SLAMF6: variants seen among roughly 807,000 people sequenced by gnomAD.
SLAMF6 encodes NK-T-B-antigen.
SLAMF6 carries 21 observed loss-of-function variants against 38.3 expected under a neutral mutation model. The ratio of observed to expected loss-of-function variants is 0.55; its 90% CI spans 0.39 to 0.79. SLAMF6 has a LOEUF of 0.79. Among genes scored for constraint, SLAMF6 ranks in the 30% least tolerant of loss-of-function variants. The pLI is 0.00. For missense variants in SLAMF6, 341 were observed against 385.3 expected (o/e 0.89, Z 0.96); for synonymous variants, 152 against 146.3 (o/e 1.04, Z -0.28).
Position 160,499,036 on chromosome 1 carries a change from C to T in SLAMF6, c.50-2643G>A, listed in dbSNP as rs538007600. On this transcript the variant is annotated intron_variant, in intron 1 of 7. Transcript: ENST00000368057. ...TGTCTGTTTACGGTAATGATAGTTT[C>T]TTTTGCTGTGCAGAAGCTCTATAGT... Among the ~76,000 whole-genome samples the T allele has an allele frequency of 2.6e-4, 39 of 152,198 alleles. No individual in the cohort carries two copies. In the East Asian group the frequency reaches 6.7e-3, roughly 26 times the overall value.
intron 1 of SLAMF6, among the ~76,000 whole-genome samples, chr1:160,513,204 A>T (rs189294146): frequency 3.8e-4 from 58 of 152,326 alleles, no homozygotes; most frequent in African/African-American, 1.2e-3. Flanking sequence ...CAACATGAAA[A>T]CATCACAATG....
In SLAMF6 at chr1:160,491,115, AG is replaced by A. The variant is rs1557934797; in HGVS notation, c.646+9del. On this transcript the variant is annotated intron_variant, in intron 3 of 7. Transcript: ENST00000368057. ...TGCTCAAGGCTCTCAGACCTGAGGC[AG>A]GCTGTTACCTTCGCAAAGCTTCTGG... 1 of 1,612,930 alleles carries A rather than the reference AG, an allele frequency of 6.2e-7. No individual in the cohort carries two copies. Among genetic ancestry groups the A allele is most frequent in the African/African-American group, 1.3e-5 (1 of 75,024 alleles).
At position 160,486,717 on chromosome 1, in the gene SLAMF6, T is replaced by A. The variant is rs1485433640; in HGVS notation, c.989A>T (p.Asn330Ile). The change falls in exon 8 of 8, where the codon AAT becomes ATT. Residue 330 changes from asparagine (N) to isoleucine (I), a missense_variant. By Grantham distance (149) the Asn-to-Ile change is moderately radical. Coordinates refer to ENST00000368057, the MANE Select transcript of SLAMF6 (RefSeq NM_001184714.2). ...AGGCCTTTCAGCAACTTACACGACA[T>A]TGTCAAGGGCAGTTGCCCTGGAAAA... ...PTFSRATALD[N>I]VV 2 of 1,613,788 alleles carry A rather than the reference T, an allele frequency of 1.2e-6. No individual in the cohort carries two copies. Among genetic ancestry groups the A allele is most frequent in the South Asian group, 2.2e-5 (2 of 91,072 alleles).
rs750107454 is a variant in SLAMF6, at chr1:160,490,684, A to G, written c.648T>C (p.Asp216=). Residue 216 remains aspartate (D), a splice_region_variant and synonymous_variant, in exon 4 of 8, where the codon GAT becomes GAC. Transcript: ENST00000368057. ...TGGTATCTGTATATTGAATTTTAACATCTGAAAAGAGAAAAAAGAAATGAC... is the reference window on the plus strand; with the variant it reads ...TGGTATCTGTATATTGAATTTTAACGTCTGAAAAGAGAAAAAAGAAATGAC... ...FSVSAQKLCE[D]VKIQYTDTKM... 1.9e-6 allele frequency: 3 copies of G among 1,611,970 alleles called. No individual in the cohort carries two copies. The highest frequency in any genetic ancestry group is 1.7e-6 in the Non-Finnish European group (2 of 1,179,404).
rs538976520 is a variant in SLAMF6, at chr1:160,485,972, G to A, written c.*735C>T. On this transcript the variant is annotated 3_prime_UTR_variant, in exon 8 of 8. Transcript: ENST00000368057. ...TTCCTTTTTCAGTCTGGGAGACTAAGGCTCCAAAAGGTTAGGCAGTATGTC... is the reference window on the plus strand; with the variant it reads ...TTCCTTTTTCAGTCTGGGAGACTAAAGCTCCAAAAGGTTAGGCAGTATGTC... 5.9e-5 allele frequency: 9 copies of A among 152,720 alleles called. No individual in the cohort carries two copies. The highest frequency in any genetic ancestry group is 2.2e-4 in the African/African-American group (9 of 41,558). 9.5% of individuals were successfully genotyped at this position (152,720 alleles called of 1,614,324 possible). A position where few individuals can be genotyped will look rare whatever the true frequency, so the allele number is the denominator to read the frequency against.
intron 1 of SLAMF6, among the ~76,000 whole-genome samples, chr1:160,517,873 G>A (rs934679203): frequency 3.9e-5 from 6 of 152,124 alleles, no homozygotes; most frequent in Admixed American, 1.3e-4. Flanking sequence ...TTGGGGGAGG[G>A]AGAGCATTAA....
intron 1 of SLAMF6, among the ~76,000 whole-genome samples, chr1:160,513,174 C>T (rs945760169): frequency 6.6e-6 from 1 of 152,122 alleles, no homozygotes; most frequent in Non-Finnish European, 1.5e-5. Context: ...ACATAAATGA[C>T]TTGATGGAAC....
chr1:160,518,550 AGAAAATGTGGTACGTATACACCACG>A (rs1427193290), intron 1 of SLAMF6, among the ~76,000 whole-genome samples: 4 of 152,226 alleles, frequency 2.6e-5, no homozygotes, highest in African/African-American at 9.6e-5. Flanking sequence ...GACCGGATAA[AGAAAATGTGGTACGTATACACCACG>A]GAATACTATG....
At chr1:160,517,383 T>C (rs765148912) in intron 1 of SLAMF6, among the ~76,000 whole-genome samples, 1 of 152,160 alleles carries the variant, frequency 6.6e-6, no homozygotes, top group Admixed American at 6.5e-5. Context: ...TCTGGAGAAA[T>C]AGGAACACTT....
Position 160,490,198 on chromosome 1 carries a change from C to G in SLAMF6, c.796G>C (p.Ala266Pro), listed in dbSNP as rs767536541. ...GAGAGTTAAGAGTCTGAATGCTCAC[C>G]GGGGCCCTGTGTTCGCTGAGTAGAC... ...SLSTQRTQGP[A>P]ESARNLEYVS... The change falls in exon 5 of 8, where the codon GCA becomes CCA. Residue 266 changes from alanine to proline, a missense_variant and splice_region_variant. By Grantham distance (27) the Ala-to-Pro change is conservative (BLOSUM62 -1). Coordinates refer to ENST00000368057, the MANE Select transcript of SLAMF6 (RefSeq NM_001184714.2). The G allele has an allele frequency of 2.5e-6, 4 of 1,613,718 alleles. No homozygotes were observed. The highest frequency in any genetic ancestry group is 1.7e-5 in the Admixed American group (1 of 59,988).
intron 1 of SLAMF6, among the ~76,000 whole-genome samples, chr1:160,510,917 C>T (rs748858666): frequency 4.6e-5 from 7 of 152,076 alleles, no homozygotes; most frequent in Non-Finnish European, 1.0e-4. Flanking sequence ...GTATAAAAAT[C>T]AGTTCTGTTC....
At chr1:160,487,527 TTA>T (rs1455538814) in intron 6 of SLAMF6, among the ~76,000 whole-genome samples, 1 of 152,216 alleles carries the variant, frequency 6.6e-6, no homozygotes, top group Non-Finnish European at 1.5e-5. Flanking sequence ...AGATAGTTTA[TTA>T]TATGTTTTGT....
chr1:160,487,066 G>C (rs749074436), intron 7 of SLAMF6, 38 bp downstream of exon 7: 19 of 1,512,304 alleles, frequency 1.3e-5, no homozygotes, highest in South Asian at 1.0e-4. Flanking sequence ...TGTGGAGAGA[G>C]GTAAGAATAT....
intron 1 of SLAMF6, 114 bp from the exon 2 acceptor site, chr1:160,496,507 A>G: frequency 9.9e-7 from 1 of 1,012,220 alleles, no homozygotes; most frequent in Non-Finnish European, 1.5e-6. Context: ...ACCAAAACTC[A>G]GAGATATGAC....
At chr1:160,508,981 T>A (rs1417371553) in intron 1 of SLAMF6, among the ~76,000 whole-genome samples, 4 of 152,136 alleles carry the variant, frequency 2.6e-5, no homozygotes, top group Non-Finnish European at 5.9e-5. Context: ...TTAGAATGGC[T>A]ATCATTAAAA....
intron 1 of SLAMF6, among the ~76,000 whole-genome samples, chr1:160,511,677 C>T (rs1654479232): frequency 6.6e-6 from 1 of 151,984 alleles, no homozygotes; most frequent in Non-Finnish European, 1.5e-5. Flanking sequence ...ATATATGACA[C>T]CAAAAGCATA....
intron 1 of SLAMF6, among the ~76,000 whole-genome samples, chr1:160,521,788 C>A (rs955489709): frequency 2.6e-5 from 4 of 152,162 alleles, no homozygotes; most frequent in Non-Finnish European, 4.4e-5. Flanking sequence ...GGCTGCTCTC[C>A]ACCTTCCAAT....
intron 1 of SLAMF6, among the ~76,000 whole-genome samples, chr1:160,517,445 C>A (rs138274522): frequency 1.7e-4 from 26 of 152,272 alleles, no homozygotes; most frequent in Admixed American, 1.4e-3. Context: ...GACAGTGTGG[C>A]AAATCCTCAA....
intron 1 of SLAMF6, among the ~76,000 whole-genome samples, chr1:160,498,502 G>C (rs11811889): frequency 0.16 from 24,285 of 152,172 alleles, 2,341 homozygotes; most frequent in Admixed American, 0.24. Context: ...GGCAGGCAAA[G>C]AGAACATGTG....
Sources: gnomAD v4.1 joint callset for allele counts (sites outside exome capture counted in the v4.1 genomes callset) on GRCh38, gnomAD v4.1.1 for gene constraint, MANE v1.5 for transcripts, NCBI Gene and HGNC (gene_info 2026-07-23, HGNC 2026-07-21) for gene names.